NCALD: variants seen among roughly 807,000 people sequenced by gnomAD.
NCALD encodes neurocalcin-delta.
A neutral mutation model predicts 18.6 loss-of-function variants in NCALD; 10 were observed. The observed-to-expected ratio is 0.54, with a 90% confidence interval of 0.33 to 0.91. NCALD has a LOEUF of 0.91. Among genes scored for constraint, NCALD ranks in the 40% least tolerant of loss-of-function variants. NCALD has a pLI of 0.03. For synonymous variants in NCALD, 88 were observed against 87.4 expected (o/e 1.01, Z -0.04); for missense variants, 184 against 247.6 (o/e 0.74, Z 1.72).
intron 2 of NCALD, among the ~76,000 whole-genome samples, chr8:101,988,130 G>A (rs1393772396): frequency 7.4e-6 from 1 of 135,708 alleles, no homozygotes; most frequent in African/African-American, 2.9e-5. Flanking sequence ...GGTCCGGCCT[G>A]GGCGAAACAG....
intron 1 of NCALD, among the ~76,000 whole-genome samples, chr8:101,746,972 G>C (rs954160493): frequency 1.3e-5 from 2 of 152,038 alleles, no homozygotes; most frequent in Admixed American, 6.6e-5. Flanking sequence ...AATCAAATAT[G>C]TGCTGAGTAA....
intron 1 of NCALD, among the ~76,000 whole-genome samples, chr8:101,730,479 CAAAAAAAAAAAA>C (rs869241027): frequency 6.9e-5 from 3 of 43,672 alleles, no homozygotes; most frequent in Admixed American, 6.0e-4. Flanking sequence ...GACTCCATCT[CAAAAAAAAAAAA>C]AAAAAAAAAA....
upstream of NCALD, among the ~76,000 whole-genome samples, chr8:101,795,770 C>T (rs1812616618): frequency 6.6e-6 from 1 of 152,106 alleles, no homozygotes; most frequent in Non-Finnish European, 1.5e-5. Flanking sequence ...TTAGCATTCT[C>T]AGAAGCTGAA....
intron 1 of NCALD, among the ~76,000 whole-genome samples, chr8:102,102,426 G>A (rs1239077374): frequency 1.3e-5 from 2 of 152,180 alleles, no homozygotes; most frequent in Non-Finnish European, 2.9e-5. Context: ...ACCCTTGCTG[G>A]GGGTCCCCTT....
At chr8:101,866,787 C>T (rs946156412) in intron 4 of NCALD, among the ~76,000 whole-genome samples, 1 of 152,262 alleles carries the variant, frequency 6.6e-6, no homozygotes, top group South Asian at 2.1e-4. Context: ...GGGGGTATTA[C>T]GACGGCCTCC....
chr8:101,830,740 C>CTTT (rs750459094), intron 4 of NCALD, among the ~76,000 whole-genome samples: 2 of 132,060 alleles, frequency 1.5e-5, no homozygotes, highest in African/African-American at 2.8e-5. Context: ...GAGAGGAATA[C>CTTT]TTTTTTTTTT....
chr8:101,958,273 C>T (rs949441966), intron 2 of NCALD, among the ~76,000 whole-genome samples: 2 of 152,134 alleles, frequency 1.3e-5, no homozygotes, highest in Non-Finnish European at 2.9e-5. Flanking sequence ...ACAATTACAT[C>T]TAGTTGGCCA....
chr8:101,891,885 C>G (rs958936160), intron 3 of NCALD, among the ~76,000 whole-genome samples: 2 of 152,196 alleles, frequency 1.3e-5, no homozygotes, highest in African/African-American at 2.4e-5. Flanking sequence ...CTCGCTGATT[C>G]CTACCACAGC....
intron 3 of NCALD, among the ~76,000 whole-genome samples, chr8:101,906,244 CT>C (rs1817607302): frequency 6.6e-6 from 1 of 152,206 alleles, no homozygotes; most frequent in Non-Finnish European, 1.5e-5. Context: ...ACAGATGATT[CT>C]TTGTAAACAT....
chr8:102,122,924 A>G (rs1047131108), intron 1 of NCALD, among the ~76,000 whole-genome samples: 12 of 152,244 alleles, frequency 7.9e-5, no homozygotes, highest in African/African-American at 2.9e-4. Flanking sequence ...TGGCTTGGGT[A>G]GGTAAACATG....
chr8:102,038,244 G>T (rs548710450), intron 1 of NCALD, among the ~76,000 whole-genome samples: 2 of 152,126 alleles, frequency 1.3e-5, no homozygotes, highest in Non-Finnish European at 2.9e-5. Flanking sequence ...AGTGAGATGT[G>T]ACAGAAATTA....
intron 4 of NCALD, among the ~76,000 whole-genome samples, chr8:101,834,247 A>G (rs2131260555): frequency 6.6e-6 from 1 of 152,338 alleles, no homozygotes; most frequent in Middle Eastern, 3.4e-3. Context: ...ACCTTTTTCC[A>G]GAGGACACCA....
intron 1 of NCALD, among the ~76,000 whole-genome samples, chr8:101,751,906 C>T (rs10505012): frequency 2.0e-4 from 30 of 152,056 alleles, no homozygotes; most frequent in African/African-American, 4.6e-4. Flanking sequence ...TTTATGACCA[C>T]GAATATTATT....
chr8:101,704,008 G>A (rs953045452), intron 2 of NCALD, among the ~76,000 whole-genome samples: 6 of 152,274 alleles, frequency 3.9e-5, no homozygotes, highest in Non-Finnish European at 7.4e-5. Flanking sequence ...GCCAGAGGGA[G>A]AGCCTCATGA....
chr8:101,899,535 CTT>C (rs1372103548), intron 3 of NCALD, among the ~76,000 whole-genome samples: 1 of 151,876 alleles, frequency 6.6e-6, no homozygotes. Context: ...CATAGATACT[CTT>C]TATCAATTTG....
At chr8:101,836,212 A>G (rs187474891) in intron 4 of NCALD, among the ~76,000 whole-genome samples, 96 of 152,344 alleles carry the variant, frequency 6.3e-4, no homozygotes, top group Middle Eastern at 3.4e-3. Flanking sequence ...AGGATATAGC[A>G]GTCACTCTTT....
chr8:102,081,631 A>G (rs1002674995), intron 1 of NCALD, among the ~76,000 whole-genome samples: 1 of 151,720 alleles, frequency 6.6e-6, no homozygotes, highest in South Asian at 2.1e-4. Flanking sequence ...GAACTCTGCA[A>G]TTCTCCCATT....
At chr8:102,101,918 TG>T (rs901538154) in intron 1 of NCALD, among the ~76,000 whole-genome samples, 4 of 152,182 alleles carry the variant, frequency 2.6e-5, no homozygotes, top group Non-Finnish European at 4.4e-5. Flanking sequence ...GAGTTGAAGC[TG>T]GGGGTGGGAG....
chr8:101,996,493 A>C (rs575298960), intron 2 of NCALD, among the ~76,000 whole-genome samples: 1 of 152,332 alleles, frequency 6.6e-6, no homozygotes, highest in East Asian at 1.9e-4. Context: ...TGCTCACAAC[A>C]ATATCTTCTT....
Sources: gnomAD v4.1 joint callset for allele counts (sites outside exome capture counted in the v4.1 genomes callset) on GRCh38, gnomAD v4.1.1 for gene constraint, MANE v1.5 for transcripts, NCBI Gene and HGNC (gene_info 2026-07-23, HGNC 2026-07-21) for gene names.